ASB4: variants seen among roughly 807,000 people sequenced by gnomAD.
ASB4 encodes the protein ankyrin repeat and SOCS box protein 4.
A neutral mutation model predicts 38.6 loss-of-function variants in ASB4; 35 were observed. That is an observed-to-expected ratio of 0.91 (90% CI 0.69 to 1.20). The LOEUF (loss-of-function observed/expected upper bound fraction) is 1.20, where lower values mean the gene tolerates loss of function less well. Among genes scored for constraint, ASB4 ranks in the 50% most tolerant of loss-of-function variants. ASB4 has a pLI of 0.00. For missense variants in ASB4, 557 were observed against 527.2 expected (o/e 1.06, Z -0.55); for synonymous variants, 195 against 201.3 (o/e 0.97, Z 0.26).
At chr7:95,508,195 G>A (rs1180563059) in intron 2 of ASB4, among the ~76,000 whole-genome samples, 18 of 152,100 alleles carry the variant, frequency 1.2e-4, no homozygotes, top group Admixed American at 9.8e-4. Context: ...TGAGAAGTTT[G>A]GGAAATGAGA....
chr7:95,533,766 C>T (rs1344590658), intron 3 of ASB4, among the ~76,000 whole-genome samples: 2 of 152,164 alleles, frequency 1.3e-5, no homozygotes, highest in African/African-American at 4.8e-5. Flanking sequence ...ATAGGACCAA[C>T]CTCATAGGAT....
intron 2 of ASB4, among the ~76,000 whole-genome samples, chr7:95,527,281 C>T (rs1562820831): frequency 6.6e-6 from 1 of 152,060 alleles, no homozygotes; most frequent in Admixed American, 6.6e-5. Context: ...CCTAATACTG[C>T]AATTTCAGTC....
At chr7:95,499,905 G>A (rs972592635) in intron 2 of ASB4, among the ~76,000 whole-genome samples, 2 of 115,134 alleles carry the variant, frequency 1.7e-5, no homozygotes, top group African/African-American at 3.5e-5. Context: ...ACGGAGTCTC[G>A]CTTTGTCGCC....
chr7:95,516,771 A>G (rs1790589697), intron 2 of ASB4, among the ~76,000 whole-genome samples: 1 of 152,148 alleles, frequency 6.6e-6, no homozygotes, highest in South Asian at 2.1e-4. Flanking sequence ...GTTCAGTCTT[A>G]TTTGCTGGAT....
In ASB4 at chr7:95,528,240, G is replaced by A. The variant is rs761935325; in HGVS notation, c.915G>A (p.Glu305=). The A allele has an allele frequency of 3.1e-6, 5 of 1,614,172 alleles. No homozygotes were observed. In the Admixed American group the frequency reaches 6.7e-5, roughly 22 times the overall value. Residue 305 remains glutamate (E), a synonymous_variant, in exon 3 of 5, where the codon GAG becomes GAA. Coordinates refer to ENST00000325885, the MANE Select transcript of ASB4 (RefSeq NM_016116.3). ...CCGTGCGCCCTGCTGCCCAGCCTGAGATCTGCTACCAGCTCCTGTTGAACC... is the reference window on the plus strand; with the variant it reads ...CCGTGCGCCCTGCTGCCCAGCCTGAAATCTGCTACCAGCTCCTGTTGAACC... ...VTSVRPAAQP[E]ICYQLLLNHG...
At chr7:95,529,904 G>A (rs894825226) in intron 3 of ASB4, among the ~76,000 whole-genome samples, 3 of 152,022 alleles carry the variant, frequency 2.0e-5, no homozygotes, top group African/African-American at 7.2e-5. Flanking sequence ...CAGAGTAAGT[G>A]TCAAGTTCAC....
At chr7:95,504,631 C>T (rs1395662062) in intron 2 of ASB4, among the ~76,000 whole-genome samples, 1 of 152,102 alleles carries the variant, frequency 6.6e-6, no homozygotes, top group East Asian at 1.9e-4. Flanking sequence ...ATTGATATTA[C>T]TTATGAAATT....
At chr7:95,517,294 C>G (rs1790596716) in intron 2 of ASB4, among the ~76,000 whole-genome samples, 2 of 152,072 alleles carry the variant, frequency 1.3e-5, no homozygotes, top group African/African-American at 4.8e-5. Context: ...TCAGACTCCC[C>G]AAATGCTGGG....
chr7:95,501,206 A>G (rs1183089219), intron 2 of ASB4, among the ~76,000 whole-genome samples: 1 of 152,190 alleles, frequency 6.6e-6, no homozygotes, highest in Non-Finnish European at 1.5e-5. Context: ...CATGAAGCAA[A>G]TCCTGACAGT....
At position 95,495,878 on chromosome 7, in the gene ASB4, G is replaced by C; in HGVS notation, c.308G>C (p.Cys103Ser). Residue 103 changes from cysteine (C) to serine (S), a missense_variant, in exon 2 of 5, where the codon TGT becomes TCT. Coordinates refer to ENST00000325885, the MANE Select transcript of ASB4 (RefSeq NM_016116.3). Reference sequence around the variant, plus strand: ...CTGGACCACAATGCTACAATCAACTGTAGACCCAATGGGAAAACCCCTCTT... The same window carrying C: ...CTGGACCACAATGCTACAATCAACTCTAGACCCAATGGGAAAACCCCTCTT... ...VLLDHNATIN[C>S]RPNGKTPLHV... 10 of 1,613,966 alleles carry C rather than the reference G, an allele frequency of 6.2e-6. No homozygotes were observed. The highest frequency in any genetic ancestry group is 8.5e-6 in the Non-Finnish European group (10 of 1,180,026).
upstream of ASB4, among the ~76,000 whole-genome samples, chr7:95,483,688 T>C (rs1790042746): frequency 1.3e-5 from 2 of 152,236 alleles, no homozygotes; most frequent in South Asian, 4.1e-4. Flanking sequence ...CCATCGCCAC[T>C]TAAATCTGTT....
intron 3 of ASB4, among the ~76,000 whole-genome samples, chr7:95,534,997 C>T (rs571486290): frequency 6.6e-6 from 1 of 152,278 alleles, no homozygotes; most frequent in East Asian, 1.9e-4. Flanking sequence ...TTTAGCCCTG[C>T]CCTGACTCCA....
the ASB4 span, among the ~76,000 whole-genome samples, chr7:95,545,455 T>C: frequency 6.6e-6 from 1 of 152,190 alleles, no homozygotes; most frequent in Non-Finnish European, 1.5e-5. Flanking sequence ...AGTTAGTTTC[T>C]CTCTGTGTAG....
chr7:95,492,064 G>A (rs944591574), intron 1 of ASB4, among the ~76,000 whole-genome samples: 1 of 152,158 alleles, frequency 6.6e-6, no homozygotes, highest in Non-Finnish European at 1.5e-5. Context: ...AGCAGCTAAG[G>A]TGTCTTGTTA....
intron 4 of ASB4, among the ~76,000 whole-genome samples, chr7:95,537,123 G>A (rs1051686446): frequency 6.6e-6 from 1 of 151,996 alleles, no homozygotes; most frequent in Non-Finnish European, 1.5e-5. Flanking sequence ...TCAGGCACAG[G>A]GTGCAAAGTT....
At chr7:95,523,763 C>T (rs1393202795) in intron 2 of ASB4, among the ~76,000 whole-genome samples, 1 of 152,044 alleles carries the variant, frequency 6.6e-6, no homozygotes, top group Non-Finnish European at 1.5e-5. Context: ...TGGAAAAAAT[C>T]AGCACAGTAG....
intron 3 of ASB4, among the ~76,000 whole-genome samples, chr7:95,533,187 G>T (rs921990944): frequency 2.0e-5 from 3 of 152,130 alleles, no homozygotes; most frequent in Non-Finnish European, 2.9e-5. Flanking sequence ...GGAGAGGCCT[G>T]CAATTTTAGG....
At chr7:95,505,146 T>C (rs1048191529) in intron 2 of ASB4, among the ~76,000 whole-genome samples, 3 of 152,078 alleles carry the variant, frequency 2.0e-5, no homozygotes, top group Non-Finnish European at 4.4e-5. Context: ...TAATGTACGA[T>C]GATTGAAAAG....
At chr7:95,528,873 A>C in intron 3 of ASB4, 1 of 302,490 alleles carries the variant, frequency 3.3e-6, no homozygotes, top group Non-Finnish European at 4.9e-6. Context: ...TATTTGACAG[A>C]GGAGGAAACT....
Sources: gnomAD v4.1 joint callset for allele counts (sites outside exome capture counted in the v4.1 genomes callset) on GRCh38, gnomAD v4.1.1 for gene constraint, MANE v1.5 for transcripts, NCBI Gene and HGNC (gene_info 2026-07-23, HGNC 2026-07-21) for gene names.